RGS6: variants seen among roughly 807,000 people sequenced by gnomAD.
RGS6 encodes the protein regulator of G-protein signaling 6.
RGS6 carries 30 observed loss-of-function variants against 78.5 expected under a neutral mutation model. That is an observed-to-expected ratio of 0.38 (90% CI 0.29 to 0.52). The LOEUF (loss-of-function observed/expected upper bound fraction) is 0.52. RGS6 is among the 20% of genes least tolerant of loss of function. RGS6 has a pLI of 0.85. For missense variants in RGS6, 495 were observed against 609.7 expected, an observed-to-expected ratio of 0.81 and a Z score of 1.98; for synonymous variants, 206 against 206.0, an observed-to-expected ratio of 1.00 and a Z score of 0.00.
At chr14:72,233,525 C>T (rs528821083) in intron 2 of RGS6, among the ~76,000 whole-genome samples, 45 of 152,310 alleles carry the variant, frequency 3.0e-4, no homozygotes, top group Admixed American at 1.2e-3. Flanking sequence ...CCTTCCACAG[C>T]CTCTGCATAT....
intron 1 of RGS6, among the ~76,000 whole-genome samples, chr14:71,936,041 T>TATATATATATATATATAC (rs1555390355): frequency 7.0e-5 from 9 of 127,710 alleles, no homozygotes; most frequent in African/African-American, 2.5e-4. Context: ...TATATATATA[T>TATATATATATATATATAC]GTACATATAT....
chr14:72,119,434 G>A (rs1430173405), intron 2 of RGS6, among the ~76,000 whole-genome samples: 1 of 152,166 alleles, frequency 6.6e-6, no homozygotes, highest in Non-Finnish European at 1.5e-5. Context: ...GTTGGGGGCA[G>A]GATTTACAAA....
intron 2 of RGS6, among the ~76,000 whole-genome samples, chr14:72,180,537 TTC>T (rs1365053914): frequency 2.6e-5 from 4 of 152,364 alleles, no homozygotes; most frequent in Admixed American, 2.0e-4. Context: ...TCATGGGAAA[TTC>T]TGTCTCAGTG....
intron 14 of RGS6, among the ~76,000 whole-genome samples, chr14:72,515,360 A>G (rs1340044450): frequency 1.3e-5 from 2 of 152,188 alleles, no homozygotes; most frequent in African/African-American, 2.4e-5. Flanking sequence ...TTTTTACATA[A>G]AAGTTTATTA....
At chr14:72,014,135 G>T (rs1222303713) in intron 2 of RGS6, among the ~76,000 whole-genome samples, 1 of 152,314 alleles carries the variant, frequency 6.6e-6, no homozygotes, top group Non-Finnish European at 1.5e-5. Context: ...TCTTTGTAAG[G>T]ATATGGCATA....
intron 2 of RGS6, among the ~76,000 whole-genome samples, chr14:72,201,304 A>G (rs538820599): frequency 1.3e-4 from 20 of 152,168 alleles, no homozygotes; most frequent in Non-Finnish European, 2.5e-4. Context: ...GTCAGTTAAC[A>G]TTTATTGGGC....
At chr14:71,876,603 C>T in the RGS6 span, among the ~76,000 whole-genome samples, 2 of 147,728 alleles carry the variant, frequency 1.4e-5, no homozygotes, top group African/African-American at 5.0e-5. Context: ...GAATACAGCA[C>T]ACTGATGGGT....
rs115887899 is a variant in RGS6 at position 72,263,631 on chromosome 14, G to A, written c.85-88464G>A. ...GGCAGGGCCCTCATGATTGGGATTA[G>A]TGCCCTTATCAAAGAGGCTTGAGAG... On this transcript the variant is annotated intron_variant, in intron 2 of 17. Transcript: ENST00000553525. Among the ~76,000 whole-genome samples, 233 of 152,294 alleles carry A rather than the reference G, an allele frequency of 1.5e-3. 4 individuals carry two copies. Among genetic ancestry groups the A allele is most frequent in the African/African-American group, 5.5e-3 (227 of 41,558 alleles).
At chr14:72,299,380 T>G (rs2065576699) in intron 2 of RGS6, among the ~76,000 whole-genome samples, 1 of 152,244 alleles carries the variant, frequency 6.6e-6, no homozygotes, top group Admixed American at 6.5e-5. Flanking sequence ...AGTGGTCTTT[T>G]GAGACTGGCT....
chr14:72,597,953 G>C, the RGS6 span, among the ~76,000 whole-genome samples: 1 of 152,180 alleles, frequency 6.6e-6, no homozygotes, highest in Non-Finnish European at 1.5e-5. Flanking sequence ...TCCCACTCAA[G>C]GGTGTTGAGA....
At chr14:72,233,962 A>G (rs967390901) in intron 2 of RGS6, among the ~76,000 whole-genome samples, 4 of 152,094 alleles carry the variant, frequency 2.6e-5, no homozygotes, top group Non-Finnish European at 5.9e-5. Context: ...GATTCTAATC[A>G]CATCATTTGG....
chr14:72,166,140 A>G (rs1246519260), intron 2 of RGS6, among the ~76,000 whole-genome samples: 1 of 144,620 alleles, frequency 6.9e-6, no homozygotes, highest in African/African-American at 2.6e-5. Flanking sequence ...ACACACACAG[A>G]CTGACTTTGT....
chr14:72,523,970 T>C (rs1377648872), intron 15 of RGS6, among the ~76,000 whole-genome samples: 1 of 152,204 alleles, frequency 6.6e-6, no homozygotes, highest in Non-Finnish European at 1.5e-5. Flanking sequence ...GTGCCTTAGT[T>C]TCCTCATCTG....
chr14:71,959,056 T>G (rs1294306232), intron 1 of RGS6, among the ~76,000 whole-genome samples: 1 of 152,216 alleles, frequency 6.6e-6, no homozygotes, highest in Non-Finnish European at 1.5e-5. Flanking sequence ...TTGAGTGCTA[T>G]TGCCGTACTT....
At chr14:71,999,147 G>A (rs373408067) in intron 2 of RGS6, among the ~76,000 whole-genome samples, 1 of 152,198 alleles carries the variant, frequency 6.6e-6, no homozygotes, top group African/African-American at 2.4e-5. Context: ...GACCTCTGAG[G>A]TAAGCAAATC....
chr14:72,262,226 A>G (rs1275936549), intron 2 of RGS6, among the ~76,000 whole-genome samples: 1 of 152,200 alleles, frequency 6.6e-6, no homozygotes. Flanking sequence ...GAAACCTTAT[A>G]GGGAGTGTAT....
At chr14:71,987,537 A>AT (rs377287535) in intron 2 of RGS6, among the ~76,000 whole-genome samples, 1 of 151,950 alleles carries the variant, frequency 6.6e-6, no homozygotes, top group African/African-American at 2.4e-5. Context: ...TTTATTTTTT[A>AT]TTTTTTCAGA....
chr14:72,619,493 G>T, the RGS6 span: 1 of 1,058,060 alleles, frequency 9.5e-7, no homozygotes, highest in Non-Finnish European at 1.4e-6. Flanking sequence ...CAAGTCCCAG[G>T]CCTGAAAACG....
intron 1 of RGS6, among the ~76,000 whole-genome samples, chr14:71,956,014 A>T (rs2092760291): frequency 6.6e-6 from 1 of 152,358 alleles, no homozygotes; most frequent in South Asian, 2.1e-4. Context: ...TGAGCTCATC[A>T]GCTAAGACTA....
Sources: allele counts gnomAD v4.1 joint callset (sites outside exome capture counted in the v4.1 genomes callset), GRCh38; gene constraint gnomAD v4.1.1; transcripts MANE v1.5; gene names NCBI Gene and HGNC (gene_info 2026-07-23, HGNC 2026-07-21).